The following PASD1 variants were observed in gnomAD, a reference collection of about 807,000 sequenced individuals.
PASD1 encodes circadian clock protein PASD1.
PASD1 carries 13 observed loss-of-function variants against 58.8 expected under a neutral mutation model. That is an observed-to-expected ratio of 0.22 (90% confidence interval 0.14 to 0.35). The LOEUF (loss-of-function observed/expected upper bound fraction) is 0.35, where lower values mean the gene tolerates loss of function less well. Ranked by LOEUF, PASD1 falls within the 10% of genes least tolerant of loss-of-function variation. PASD1 has a pLI of 1.00. For synonymous variants in PASD1, 236 were observed against 216.7 expected, an observed-to-expected ratio of 1.09 and a Z score of -0.78; for missense variants, 734 against 568.3, an observed-to-expected ratio of 1.29 and a Z score of -2.96.
At chrX:151,664,374 G>A (rs757444203) in intron 11 of PASD1, 26 bp downstream of exon 11, 4 of 1,204,801 alleles carry the variant, frequency 3.3e-6, no homozygotes, top group Non-Finnish European at 4.5e-6. Flanking sequence ...CGCTTCACTC[G>A]CTTCACGTTT....
At chrX:151,641,729 G>T (rs768116542) in intron 8 of PASD1, among the ~76,000 whole-genome samples, 2 of 110,629 alleles carry the variant, frequency 1.8e-5, no homozygotes, top group Admixed American at 9.6e-5. Flanking sequence ...GAGGAGAAGG[G>T]TACATTATTT....
chrX:151,573,211 C>G (rs1369929577), intron 1 of PASD1, among the ~76,000 whole-genome samples: 1 of 109,802 alleles, frequency 9.1e-6, no homozygotes, highest in Admixed American at 9.7e-5. Context: ...AGGATCCACC[C>G]CCATGATCCA....
At chrX:151,667,556 T>C (rs1311055368) in intron 11 of PASD1, among the ~76,000 whole-genome samples, 1 of 112,411 alleles carries the variant, frequency 8.9e-6, no homozygotes, top group Non-Finnish European at 1.9e-5. Context: ...TTAATTTTTG[T>C]ATAAGGTGTA....
At chrX:151,640,267 G>T (rs940471542) in intron 8 of PASD1, among the ~76,000 whole-genome samples, 2 of 112,152 alleles carry the variant, frequency 1.8e-5, no homozygotes, top group Non-Finnish European at 3.8e-5. Flanking sequence ...ATGTAAAAGT[G>T]TGTGTGTGTT....
intron 3 of PASD1, among the ~76,000 whole-genome samples, chrX:151,607,984 T>G (rs1415446972): frequency 5.4e-5 from 6 of 111,387 alleles, no homozygotes; most frequent in Admixed American, 4.8e-4. Flanking sequence ...GTGAGCAGGT[T>G]TGGTTTGAAC....
At chrX:151,571,630 T>G (rs777780426) in intron 1 of PASD1, among the ~76,000 whole-genome samples, 1 of 112,527 alleles carries the variant, frequency 8.9e-6, no homozygotes, top group African/African-American at 3.2e-5. Context: ...AAATTGACAA[T>G]TCTTGTCAAA....
intron 11 of PASD1, among the ~76,000 whole-genome samples, chrX:151,670,012 C>A (rs1449844487): frequency 1.8e-5 from 2 of 112,156 alleles, no homozygotes; most frequent in Non-Finnish European, 3.8e-5. Flanking sequence ...TTCTTACCAA[C>A]AGTGTATGAG....
In PASD1 at chrX:151,648,669, CGCT is replaced by C. The variant is rs750036801; in HGVS notation, c.706_708del (p.Ala236del). On this transcript the variant is annotated inframe_deletion, in exon 9 of 16. Transcript: ENST00000370357. Reference sequence around the variant, plus strand: ...GCATGAAAGCCGTGTACGTTGAACCCGCTGCTGCTGCTGCTGCTGCTGCTATCT... The same window carrying C: ...GCATGAAAGCCGTGTACGTTGAACCCGCTGCTGCTGCTGCTGCTGCTATCT... The C allele has an allele frequency of 1.4e-4, 162 of 1,186,040 alleles. 2 individuals carry two copies. In the East Asian group the frequency reaches 2.1e-3, roughly 16 times the overall value.
chrX:151,663,639 G>A (rs1013130694), intron 10 of PASD1, among the ~76,000 whole-genome samples: 3 of 112,035 alleles, frequency 2.7e-5, no homozygotes, highest in Non-Finnish European at 5.6e-5. Context: ...AAAAATGACT[G>A]TACCATTTTG....
chrX:151,599,193 A>G (rs1218379221), intron 1 of PASD1, among the ~76,000 whole-genome samples: 1 of 112,610 alleles, frequency 8.9e-6, no homozygotes, highest in Admixed American at 9.3e-5. Flanking sequence ...TTAGTACAGA[A>G]CAAAATGGAG....
At chrX:151,648,790 A>C in intron 9 of PASD1, 88 bp downstream of exon 9, 12 of 1,022,946 alleles carry the variant, frequency 1.2e-5, no homozygotes, top group Non-Finnish European at 1.3e-5. Context: ...ACCAAGAAGT[A>C]TGTCATATGG....
chrX:151,650,209 C>T, intron 9 of PASD1, among the ~76,000 whole-genome samples: 1 of 111,586 alleles, frequency 9.0e-6, no homozygotes, highest in Non-Finnish European at 1.9e-5. Context: ...GTCAGGCTTG[C>T]TTCATCAGCC....
chrX:151,569,126 C>T (rs763186560), intron 1 of PASD1, among the ~76,000 whole-genome samples: 28 of 111,514 alleles, frequency 2.5e-4, no homozygotes, highest in Non-Finnish European at 3.8e-4. Flanking sequence ...GGCTTGCTCT[C>T]CTCTAACTTT....
intron 5 of PASD1, 90 bp from the exon 6 acceptor site, chrX:151,621,392 G>T: frequency 1.5e-6 from 1 of 684,721 alleles, no homozygotes. Context: ...AAATCTAATC[G>T]AAGAAAGACA....
At chrX:151,599,553 C>T (rs1210010703) in intron 1 of PASD1, among the ~76,000 whole-genome samples, 4 of 110,377 alleles carry the variant, frequency 3.6e-5, no homozygotes, top group Non-Finnish European at 7.6e-5. Context: ...TCAGACGGGG[C>T]GGCCGGTCAG....
intron 11 of PASD1, 32 bp downstream of exon 11, chrX:151,664,380 C>T (rs781290527): frequency 1.8e-5 from 22 of 1,202,751 alleles, no homozygotes; most frequent in Non-Finnish European, 2.0e-5. Context: ...ACTCGCTTCA[C>T]GTTTGTCTGG....
Position 151,594,158 on chromosome X carries a change from A to G in PASD1, c.-27-7369A>G, listed in dbSNP as rs1277761820. ...CTGGCCAATTTTTCGTATTTTTAGT[A>G]GAGACCGGGTTTCACTGTGTTAGCC... On this transcript the variant is annotated intron_variant, in intron 1 of 15. Transcript: ENST00000370357. Among the ~76,000 whole-genome samples, 7 of 110,442 alleles carry G rather than the reference A, an allele frequency of 6.3e-5. No homozygotes were observed. The Admixed American group carries it at 6.7e-4, about 11-fold the overall frequency.
In PASD1 at chrX:151,601,593, T is replaced by C. The variant is rs773167762; in HGVS notation, c.28+12T>C. 8.3e-7 allele frequency: 1 copy of C among 1,206,428 alleles called. No individual in the cohort carries two copies. The highest frequency in any genetic ancestry group is 1.1e-6 in the Non-Finnish European group (1 of 891,997). On this transcript the variant is annotated intron_variant, in intron 2 of 15. Transcript: ENST00000370357. ...GGAAAAGAGAAGAGGTATGCATTCA[T>C]AACTGACTGACATTTCTGTCAAAGC...
intron 4 of PASD1, among the ~76,000 whole-genome samples, chrX:151,613,084 C>T (rs2013588050): frequency 8.9e-6 from 1 of 112,221 alleles, no homozygotes; most frequent in East Asian, 2.8e-4. Flanking sequence ...AATCCTTTCT[C>T]CACTTCTTGT....
Sources: gnomAD v4.1 joint callset for allele counts (sites outside exome capture counted in the v4.1 genomes callset) on GRCh38, gnomAD v4.1.1 for gene constraint, MANE v1.5 for transcripts, NCBI Gene and HGNC (gene_info 2026-07-23, HGNC 2026-07-21) for gene names.